The following KIF18A variants were observed in gnomAD, a reference collection of about 807,000 sequenced individuals.
KIF18A encodes the protein kinesin-like protein KIF18A.
In KIF18A, 67 loss-of-function variants were observed where a neutral mutation model predicts 103.3. The ratio of observed to expected loss-of-function variants is 0.65; its 90% confidence interval spans 0.53 to 0.79. KIF18A has a LOEUF of 0.79. Ranked by LOEUF, KIF18A falls within the 30% of genes least tolerant of loss-of-function variation. KIF18A has a pLI of 0.00. For synonymous variants in KIF18A, 367 were observed against 355.5 expected (o/e 1.03, Z -0.36); for missense variants, 1,032 against 1,062.5 (o/e 0.97, Z 0.40).
Position 28,066,262 on chromosome 11 carries a change from C to T in KIF18A, c.1590+2997G>A, listed in dbSNP as rs369099104. Among the ~76,000 whole-genome samples, 9 of 152,104 alleles carry T rather than the reference C, an allele frequency of 5.9e-5. No homozygotes were observed. The South Asian group carries it at 1.9e-3, about 32-fold the overall frequency. ...TGAAAAGTACTGTCAACATTCCACA[C>T]CTGCTACCAATCCAAGAGAATCAAC... On this transcript the variant is annotated intron_variant, in intron 11 of 16. Coordinates refer to ENST00000263181, the MANE Select transcript of KIF18A (RefSeq NM_031217.4).
Position 28,059,054 on chromosome 11 carries a change from A to G in KIF18A, c.1820T>C (p.Leu607Ser). Residue 607 changes from leucine to serine, a missense_variant, in exon 13 of 17, where the codon TTG (leucine) becomes TCG (serine). Leu to Ser is a moderately radical substitution (Grantham distance 145, BLOSUM62 -2). Coordinates refer to ENST00000263181, the MANE Select transcript of KIF18A (RefSeq NM_031217.4). The part of the protein sequence containing the change: ...FESDFKEIEH[L>S]VERKKVVVWA... ...AACTACCACTTTTTTCCTCTCTACC[A>G]AATGTTCGATCTCTTTGAAGTCAGA... The G allele has an allele frequency of 6.2e-7, 1 of 1,614,018 alleles. No homozygotes were observed. The highest frequency in any genetic ancestry group is 1.3e-5 in the African/African-American group (1 of 75,008).
intron 11 of KIF18A, among the ~76,000 whole-genome samples, chr11:28,064,729 CTGT>C (rs1850896112): frequency 6.6e-6 from 1 of 152,032 alleles, no homozygotes; most frequent in African/African-American, 2.4e-5. Context: ...TTTGGCTAGC[CTGT>C]TAACTTTGGA....
intron 11 of KIF18A, among the ~76,000 whole-genome samples, chr11:28,065,964 T>C (rs2133534328): frequency 6.6e-6 from 1 of 152,208 alleles, no homozygotes; most frequent in South Asian, 2.1e-4. Context: ...GTAAATTTTA[T>C]TTTATATTTT....
intron 1 of KIF18A, among the ~76,000 whole-genome samples, chr11:28,104,853 A>G (rs1181650642): frequency 6.6e-6 from 1 of 152,148 alleles, no homozygotes; most frequent in Non-Finnish European, 1.5e-5. Flanking sequence ...TAAAAGATAT[A>G]TATGTATATG....
At chr11:28,104,275 T>C (rs1168430301) in intron 1 of KIF18A, among the ~76,000 whole-genome samples, 3 of 152,192 alleles carry the variant, frequency 2.0e-5, no homozygotes, top group Non-Finnish European at 1.5e-5. Flanking sequence ...ATCATAAGAA[T>C]AAAATACAAA....
intron 15 of KIF18A, among the ~76,000 whole-genome samples, chr11:28,033,328 T>C (rs1201430959): frequency 6.6e-6 from 1 of 151,526 alleles, no homozygotes; most frequent in Admixed American, 6.6e-5. Context: ...AAAATAGTGC[T>C]ACCATACGAT....
At chr11:28,053,111 A>C (rs1204388981) in intron 13 of KIF18A, among the ~76,000 whole-genome samples, 1 of 152,220 alleles carries the variant, frequency 6.6e-6, no homozygotes, top group African/African-American at 2.4e-5. Flanking sequence ...AGATTAAAAA[A>C]GACTGCATAG....
Position 28,035,382 on chromosome 11 carries a change from C to A in KIF18A, c.2504+5G>T. The A allele has an allele frequency of 1.3e-6, 2 of 1,548,962 alleles. No individual in the cohort carries two copies. The highest frequency in any genetic ancestry group is 2.3e-5 in the South Asian group (2 of 85,878). On this transcript the variant is annotated splice_donor_5th_base_variant and intron_variant, in intron 15 of 16. Coordinates refer to ENST00000263181, the MANE Select transcript of KIF18A (RefSeq NM_031217.4). ...AGAACCAAACCAGTTTATGTTTAAT[C>A]ATACCTTGTTAATTTCCGTTTCCTT...
At chr11:28,038,697 G>A (rs372638385) in intron 13 of KIF18A, among the ~76,000 whole-genome samples, 22 of 151,734 alleles carry the variant, frequency 1.4e-4, no homozygotes, top group African/African-American at 5.1e-4. Context: ...TGGCTAGGTT[G>A]ACAATTACCC....
rs1850228000 is a variant in KIF18A at position 28,020,759 on chromosome 11, T to C, written c.*441A>G. ...AAAGTATTTTTGAAAAGGAAAGTCATATATATGATTAAAATAATGTATCAA... is the reference window on the plus strand; with the variant it reads ...AAAGTATTTTTGAAAAGGAAAGTCACATATATGATTAAAATAATGTATCAA... On this transcript the variant is annotated 3_prime_UTR_variant, in exon 17 of 17. Transcript: ENST00000263181. The C allele has an allele frequency of 1.3e-5, 2 of 152,206 alleles. No homozygotes were observed. The highest frequency in any genetic ancestry group is 2.9e-5 in the Non-Finnish European group (2 of 68,050). 9.4% of individuals were successfully genotyped at this position (152,206 alleles called of 1,614,324 possible).
At chr11:28,067,335 T>A (rs1317450856) in intron 11 of KIF18A, among the ~76,000 whole-genome samples, 1 of 152,126 alleles carries the variant, frequency 6.6e-6, no homozygotes, top group Non-Finnish European at 1.5e-5. Context: ...GTTGGCTCAA[T>A]AAATATCCAC....
chr11:28,083,087 TA>T (rs1392008825), intron 8 of KIF18A, 81 bp downstream of exon 8: 1 of 1,506,766 alleles, frequency 6.6e-7, no homozygotes, highest in African/African-American at 1.4e-5. Context: ...AAAAATATGT[TA>T]AATTTTTGGA....
At chr11:28,070,220 A>G (rs1850995588) in intron 10 of KIF18A, among the ~76,000 whole-genome samples, 1 of 152,216 alleles carries the variant, frequency 6.6e-6, no homozygotes, top group Admixed American at 6.6e-5. Context: ...ATCAAAAAAA[A>G]GAAGAGCAGA....
chr11:28,026,443 CTAGCATTAATCTCTTTTAACCT>C (rs2133483722), intron 15 of KIF18A, among the ~76,000 whole-genome samples: 1 of 151,870 alleles, frequency 6.6e-6, no homozygotes, highest in Admixed American at 6.6e-5. Flanking sequence ...ATGTACATTT[CTAGCATTAATCTCTTTTAACCT>C]TAGTTAATGG....
chr11:28,032,113 A>C (rs1850418717), intron 15 of KIF18A, among the ~76,000 whole-genome samples: 1 of 151,770 alleles, frequency 6.6e-6, no homozygotes, highest in Admixed American at 6.6e-5. Flanking sequence ...TTTGAAAAAA[A>C]AAGTAATCCC....
At chr11:28,078,158 A>G (rs1490301633) in intron 9 of KIF18A, among the ~76,000 whole-genome samples, 1 of 152,150 alleles carries the variant, frequency 6.6e-6, no homozygotes, top group African/African-American at 2.4e-5. Context: ...AGATATACTC[A>G]TAAGGATCAG....
intron 5 of KIF18A, 34 bp from the exon 6 acceptor site, chr11:28,088,755 A>G (rs1281424642): frequency 1.2e-5 from 18 of 1,522,898 alleles, no homozygotes; most frequent in Non-Finnish European, 1.5e-5. Context: ...AAAAATGAGG[A>G]TAAGATTTAA....
intron 14 of KIF18A, among the ~76,000 whole-genome samples, chr11:28,035,696 T>C (rs182173286): frequency 6.6e-6 from 1 of 151,706 alleles, no homozygotes; most frequent in Admixed American, 6.6e-5. Context: ...TATCAAGAGA[T>C]TTCTGCATTC....
At chr11:28,059,279 T>G in intron 12 of KIF18A, 118 bp from the exon 13 acceptor site, 1 of 748,500 alleles carries the variant, frequency 1.3e-6, no homozygotes, top group East Asian at 2.6e-5. Flanking sequence ...TTCCCATGTA[T>G]GAACTGAGTT....
Sources: allele counts gnomAD v4.1 joint callset (sites outside exome capture counted in the v4.1 genomes callset), GRCh38; gene constraint gnomAD v4.1.1; transcripts MANE v1.5; gene names NCBI Gene and HGNC (gene_info 2026-07-23, HGNC 2026-07-21).